Variants in TARBP1 observed in about 807,000 individuals in gnomAD.
The protein encoded by TARBP1 is tRNA guanosine 2 -O-methyltransferase TARBP1.
In TARBP1, 144 loss-of-function variants were observed where a neutral mutation model predicts 178.6. The ratio of observed to expected loss-of-function variants is 0.81; its 90% CI spans 0.70 to 0.93. TARBP1 has a LOEUF of 0.93. TARBP1 is among the 40% of genes least tolerant of loss of function. The pLI, the probability that TARBP1 is intolerant of heterozygous loss-of-function variation, is 0.00. For missense variants in TARBP1, 2,067 were observed against 2,011.7 expected, an observed-to-expected ratio of 1.03 and a Z score of -0.53; for synonymous variants, 787 against 781.0, an observed-to-expected ratio of 1.01 and a Z score of -0.13.
chr1:234,470,245 C>A (rs1668904664), intron 3 of TARBP1, among the ~76,000 whole-genome samples: 1 of 151,874 alleles, frequency 6.6e-6, no homozygotes, highest in Non-Finnish European at 1.5e-5. Flanking sequence ...CCAGCCTGGG[C>A]AACAGATTGC....
rs116057063 is a variant in TARBP1, at chr1:234,408,595, G to A, written c.3792+1850C>T. On this transcript the variant is annotated intron_variant, in intron 23 of 29. Coordinates refer to ENST00000040877, the MANE Select transcript of TARBP1 (RefSeq NM_005646.4). ...CGAGATATTTTGCAGACCTGCACTC[G>A]ACGGATCAGCTGGCACCACCCAGAT... Among the ~76,000 whole-genome samples, 860 of 151,934 alleles carry A rather than the reference G, an allele frequency of 5.7e-3. 4 individuals are homozygous for A. Among genetic ancestry groups the A allele is most frequent in the African/African-American group, 0.019 (773 of 41,420 alleles).
chr1:234,403,539 C>T (rs1362581042), intron 24 of TARBP1, among the ~76,000 whole-genome samples: 1 of 152,108 alleles, frequency 6.6e-6, no homozygotes, highest in Non-Finnish European at 1.5e-5. Flanking sequence ...GATGTCTATT[C>T]CCATTTGACT....
intron 3 of TARBP1, among the ~76,000 whole-genome samples, chr1:234,468,712 T>C (rs990698590): frequency 1.3e-5 from 2 of 152,010 alleles, no homozygotes. Flanking sequence ...TGACCTTGAC[T>C]GCCACTCCAA....
intron 26 of TARBP1, among the ~76,000 whole-genome samples, chr1:234,397,961 C>T (rs1288268036): frequency 6.9e-6 from 1 of 145,744 alleles, no homozygotes; most frequent in Non-Finnish European, 1.5e-5. Flanking sequence ...GTCCAACCAA[C>T]CAAGAGGGGA....
rs201259533 is a variant in TARBP1 at position 234,406,033 on chromosome 1, G to A, written c.3859C>T (p.Arg1287Ter). 35 of 1,613,962 alleles carry A rather than the reference G, an allele frequency of 2.2e-5. No homozygotes were observed. The highest frequency in any genetic ancestry group is 2.6e-5 in the Non-Finnish European group (31 of 1,180,020). ...TTAAGAGCAACTAAAGCATACAGTC[G>A]AACACTAAAATTGTGATTGAAACAC... ...QWCFNHNFSV[R>*]LYALVALKKL... is the part of the protein sequence containing the mutation. Residue 1287 changes from arginine (R) to a stop codon, truncating the protein, a stop_gained, in exon 24 of 30, where the codon CGA (arginine) becomes TGA (stop). Coordinates refer to ENST00000040877, the MANE Select transcript of TARBP1 (RefSeq NM_005646.4). LOFTEE classifies it high-confidence loss of function.
intron 20 of TARBP1, among the ~76,000 whole-genome samples, chr1:234,421,863 G>A (rs1414884458): frequency 1.3e-5 from 2 of 152,196 alleles, no homozygotes; most frequent in African/African-American, 4.8e-5. Context: ...TTCACATAGT[G>A]TAGATGATCC....
At chr1:234,400,925 C>A in intron 25 of TARBP1, 1 of 288,288 alleles carries the variant, frequency 3.5e-6, no homozygotes, top group Non-Finnish European at 6.5e-6. Flanking sequence ...TATTCCCTTC[C>A]ATTGTTTACA....
chr1:234,392,926 A>G (rs949117314), intron 28 of TARBP1, among the ~76,000 whole-genome samples: 1 of 152,006 alleles, frequency 6.6e-6, no homozygotes, highest in Non-Finnish European at 1.5e-5. Flanking sequence ...TCACTGTGTT[A>G]GCCAGGATGG....
At chr1:234,436,244 A>T (rs78141873) in intron 13 of TARBP1, among the ~76,000 whole-genome samples, 6,205 of 152,260 alleles carry the variant, frequency 0.041, 464 homozygotes, top group African/African-American at 0.14. Flanking sequence ...ATGTTTGGAA[A>T]TTTTCCATAC....
Position 234,457,662 on chromosome 1 carries a change from C to T in TARBP1, c.1722+5G>A, listed in dbSNP as rs1163477882. ...AAGACTTTATTAAATTATCTTTAAT[C>T]TCACCTCTGTCCACAATGAAGTTCC... On this transcript the variant is annotated splice_donor_5th_base_variant and intron_variant, in intron 9 of 29. Transcript: ENST00000040877. The T allele has an allele frequency of 6.3e-7, 1 of 1,587,966 alleles. No individual in the cohort carries two copies. The highest frequency in any genetic ancestry group is 8.6e-7 in the Non-Finnish European group (1 of 1,166,630).
intron 1 of TARBP1, among the ~76,000 whole-genome samples, chr1:234,475,748 A>C (rs1189460175): frequency 1.3e-5 from 2 of 152,264 alleles, no homozygotes; most frequent in Non-Finnish European, 2.9e-5. Context: ...AAGCATCAGC[A>C]GTCTACCCCT....
At chr1:234,434,992 T>C (rs1210522038) in intron 13 of TARBP1, among the ~76,000 whole-genome samples, 2 of 152,186 alleles carry the variant, frequency 1.3e-5, no homozygotes, top group African/African-American at 2.4e-5. Flanking sequence ...GTTTGGAAAG[T>C]ATCCATTAAG....
In TARBP1 at chr1:234,392,491, A is replaced by G. The variant is rs200759570; in HGVS notation, c.4622T>C (p.Ile1541Thr). 2.5e-6 allele frequency: 4 copies of G among 1,614,052 alleles called. No homozygotes were observed. The African/African-American group carries it at 4.0e-5, about 16-fold the overall frequency. Reference protein sequence around the residue: ...QQKKTEGYTIIGVEQTAKSLD... With the variant: ...QQKKTEGYTITGVEQTAKSLD... Reference sequence around the variant, plus strand: ...ACTTTTGGCAGTTTGTTCCACTCCAATGATGGTATAACCTTCTGTTTTCTT... The same window carrying G: ...ACTTTTGGCAGTTTGTTCCACTCCAGTGATGGTATAACCTTCTGTTTTCTT... The change falls in exon 29 of 30, where the codon ATT becomes ACT. Residue 1541 changes from isoleucine to threonine, a missense_variant. Ile to Thr is a moderately conservative substitution (Grantham distance 89). Transcript: ENST00000040877.
intron 2 of TARBP1, among the ~76,000 whole-genome samples, chr1:234,471,654 C>T (rs1380138677): frequency 2.0e-5 from 3 of 152,194 alleles, no homozygotes; most frequent in Non-Finnish European, 4.4e-5. Flanking sequence ...GTTCGGAGTT[C>T]CATGTTCTTA....
chr1:234,460,460 AT>A, intron 6 of TARBP1, 64 bp from the exon 7 acceptor site: 1 of 1,522,416 alleles, frequency 6.6e-7, no homozygotes, highest in Non-Finnish European at 9.0e-7. Context: ...GCTCAATACC[AT>A]TAGGTATTAG....
At position 234,460,351 on chromosome 1, in the gene TARBP1, C is replaced by A; in HGVS notation, c.1445G>T (p.Trp482Leu). The change falls in exon 7 of 30, where the codon TGG becomes TTG. Residue 482 changes from tryptophan to leucine, a missense_variant. Physicochemically the swap from Trp to Leu is moderately conservative, Grantham distance 61. Coordinates refer to ENST00000040877, the MANE Select transcript of TARBP1 (RefSeq NM_005646.4). ...KFIRKMTSRH[W>L]CAVPILFLSK... The stretch of plus-strand genomic sequence containing the variant: ...TAGAAACAAAATGGGAACAGCACAC[C>A]AATGCCTACTTGTCATCTTCCGAAT... 1.9e-6 allele frequency: 3 copies of A among 1,614,188 alleles called. No individual in the cohort carries two copies. Among genetic ancestry groups the A allele is most frequent in the Non-Finnish European group, 2.5e-6 (3 of 1,180,034 alleles).
At chr1:234,469,980 T>C (rs1259455627) in intron 3 of TARBP1, among the ~76,000 whole-genome samples, 1 of 152,190 alleles carries the variant, frequency 6.6e-6, no homozygotes, top group African/African-American at 2.4e-5. Context: ...CAAAGAGTGA[T>C]TATTGGCCAG....
intron 17 of TARBP1, 89 bp downstream of exon 17, chr1:234,429,047 A>G: frequency 1.6e-6 from 2 of 1,240,072 alleles, no homozygotes; most frequent in East Asian, 5.3e-5. Context: ...AGAGCCAAAA[A>G]TCTAATTGTG....
intron 14 of TARBP1, among the ~76,000 whole-genome samples, chr1:234,430,717 TA>T (rs11300351): frequency 0.28 from 42,671 of 149,762 alleles, 6,040 homozygotes; most frequent in Middle Eastern, 0.46. Context: ...TGAAACATGT[TA>T]AAAAAAAAAA....
Sources: allele counts gnomAD v4.1 joint callset (sites outside exome capture counted in the v4.1 genomes callset), GRCh38; gene constraint gnomAD v4.1.1; transcripts MANE v1.5; gene names NCBI Gene and HGNC (gene_info 2026-07-23, HGNC 2026-07-21).